The following IGSF23 variants were observed in gnomAD, a reference collection of about 807,000 sequenced individuals.
IGSF23 encodes immunoglobulin superfamily member 23.
In IGSF23, 14 loss-of-function variants were observed where a neutral mutation model predicts 17.8. That is an observed-to-expected ratio of 0.79 (90% confidence interval 0.52 to 1.23). The LOEUF is 1.23. Among genes scored for constraint, IGSF23 ranks in the 50% most tolerant of loss-of-function variants. The pLI, the probability that IGSF23 is intolerant of heterozygous loss-of-function variation, is 0.00. For synonymous variants in IGSF23, 85 were observed against 92.5 expected, an observed-to-expected ratio of 0.92 and a Z score of 0.46; for missense variants, 214 against 241.7, an observed-to-expected ratio of 0.89 and a Z score of 0.76.
At chr19:44,631,816 G>A (rs1474680246) in intron 3 of IGSF23, among the ~76,000 whole-genome samples, 2 of 152,194 alleles carry the variant, frequency 1.3e-5, no homozygotes, top group Non-Finnish European at 2.9e-5. Flanking sequence ...GTTTAAAAAC[G>A]CCTTTAAGTG....
rs138387848 is a variant in IGSF23, at chr19:44,635,348, TTCTCTCTCTC to T, written c.546-35_546-26del. On this transcript the variant is annotated intron_variant, in intron 3 of 4. Transcript: ENST00000402988. Reference sequence around the variant, plus strand: ...ATAATAATTCAGTCGATGATTCTTATTCTCTCTCTCTCTCTCTCTCTCTCTCTGTCTCTCT... The same window carrying T: ...ATAATAATTCAGTCGATGATTCTTATTCTCTCTCTCTCTCTCTGTCTCTCT... The T allele has an allele frequency of 4.8e-5, 47 of 977,674 alleles. No homozygotes were observed. The Middle Eastern group carries it at 7.0e-4, about 15-fold the overall frequency. 60.6% of individuals were successfully genotyped at this position (977,674 alleles called of 1,614,324 possible). A position where few individuals can be genotyped will look rare whatever the true frequency, so the allele number is the denominator to read the frequency against.
At chr19:44,621,673 G>C (rs188614601) in intron 1 of IGSF23, among the ~76,000 whole-genome samples, 17 of 152,212 alleles carry the variant, frequency 1.1e-4, no homozygotes, top group Non-Finnish European at 2.2e-4. Flanking sequence ...ATTGTTGTGA[G>C]GATTAAATGA....
intron 3 of IGSF23, among the ~76,000 whole-genome samples, chr19:44,633,410 A>C (rs1972813006): frequency 6.6e-6 from 1 of 152,210 alleles, no homozygotes; most frequent in Admixed American, 6.5e-5. Context: ...TGCTAGGGAC[A>C]TGCCCCATTT....
chr19:44,627,127 G>A (rs1440939682), intron 2 of IGSF23, among the ~76,000 whole-genome samples: 4 of 152,134 alleles, frequency 2.6e-5, no homozygotes, highest in Non-Finnish European at 5.9e-5. Flanking sequence ...AGGCTAAGGT[G>A]AGAAACTGAC....
Position 44,636,739 on chromosome 19 carries a change from C to T in IGSF23, c.*352C>T, listed in dbSNP as rs930984460. Reference sequence around the variant, plus strand: ...CTTTTACACATGCTGCTTTTTTTTTCTCTTTTTCAAAAAGAACCAAAAAAT... The same window carrying T: ...CTTTTACACATGCTGCTTTTTTTTTTTCTTTTTCAAAAAGAACCAAAAAAT... On this transcript the variant is annotated 3_prime_UTR_variant, in exon 5 of 5. Transcript: ENST00000402988. 2.8e-4 allele frequency: 42 copies of T among 151,572 alleles called. No individual in the cohort carries two copies. Among genetic ancestry groups the T allele is most frequent in the Admixed American group, 2.0e-3 (30 of 15,266 alleles). The allele number at this position is 151,572 out of a possible 1,614,324, so 9.4% of individuals were successfully genotyped here. A position where few individuals can be genotyped will look rare whatever the true frequency, so the allele number is the denominator to read the frequency against.
chr19:44,615,085 C>T (rs1972340248), intron 1 of IGSF23, among the ~76,000 whole-genome samples: 1 of 150,512 alleles, frequency 6.6e-6, no homozygotes, highest in South Asian at 2.1e-4. Flanking sequence ...GTCAGGAGAT[C>T]GAGACCATCC....
chr19:44,627,483 G>C lies in IGSF23; in HGVS notation c.455G>C (p.Gly152Ala). The stretch of plus-strand genomic sequence containing the variant: ...CCAGACCCCACTCTGTCCCTGTCAG[G>C]AGGCTCTGCCATCGGGCTCCTTGCG... ...MEPDPTLSLSGGSAIGLLAAG... is the reference protein window; with the variant it reads ...MEPDPTLSLSAGSAIGLLAAG... The change falls in exon 3 of 5, where the codon GGA (glycine) becomes GCA (alanine). Residue 152 changes from glycine (G) to alanine (A), a missense_variant. Gly to Ala is a moderately conservative substitution (Grantham distance 60). Coordinates refer to ENST00000402988, the MANE Select transcript of IGSF23 (RefSeq NM_001205280.2). 1 of 1,550,530 alleles carries C rather than the reference G, an allele frequency of 6.4e-7. No homozygotes were observed. The highest frequency in any genetic ancestry group is 1.4e-5 in the African/African-American group (1 of 73,156).
At chr19:44,634,222 C>T (rs1165365846) in intron 3 of IGSF23, among the ~76,000 whole-genome samples, 4 of 152,294 alleles carry the variant, frequency 2.6e-5, no homozygotes, top group South Asian at 4.1e-4. Flanking sequence ...AGGACAGGCC[C>T]CTCATGGCAT....
chr19:44,634,232 T>C (rs1972834519), intron 3 of IGSF23, among the ~76,000 whole-genome samples: 1 of 152,230 alleles, frequency 6.6e-6, no homozygotes, highest in Non-Finnish European at 1.5e-5. Flanking sequence ...CCTCATGGCA[T>C]TTCCTGAAAT....
rs546984743 is a variant in IGSF23 at position 44,634,123 on chromosome 19, C to T, written c.546-1278C>T. 7.2e-5 allele frequency among the ~76,000 whole-genome samples: 11 copies of T among 152,288 alleles called. No individual in the cohort carries two copies. The East Asian group carries it at 7.7e-4, about 11-fold the overall frequency. On this transcript the variant is annotated intron_variant, in intron 3 of 4. Coordinates refer to ENST00000402988, the MANE Select transcript of IGSF23 (RefSeq NM_001205280.2). ...GCTTTTGTGCAGCATAAATCTACTG[C>T]GGCACTACCGGCTGTGGCGGGGGAC...
chr19:44,620,603 G>T (rs1599732708), intron 1 of IGSF23, among the ~76,000 whole-genome samples: 1 of 152,184 alleles, frequency 6.6e-6, no homozygotes, highest in African/African-American at 2.4e-5. Flanking sequence ...CTGACCTCAG[G>T]TTATCCACCT....
rs114078650 is a variant in IGSF23 at position 44,615,799 on chromosome 19, G to A, written c.125+2029G>A. On this transcript the variant is annotated intron_variant, in intron 1 of 4. Transcript: ENST00000402988. Reference sequence around the variant, plus strand: ...TGTTGTCTGAGGCCTCTCTCAGGGCGGAGGGCAGAGGGGAGGAAGGAAAGA... The same window carrying A: ...TGTTGTCTGAGGCCTCTCTCAGGGCAGAGGGCAGAGGGGAGGAAGGAAAGA... Among the ~76,000 whole-genome samples the A allele has an allele frequency of 9.0e-3, 1,367 of 152,046 alleles. 21 individuals are homozygous for A. The highest frequency in any genetic ancestry group is 0.031 in the African/African-American group (1,281 of 41,444).
chr19:44,619,919 A>C (rs1972474288), intron 1 of IGSF23, among the ~76,000 whole-genome samples: 1 of 152,206 alleles, frequency 6.6e-6, no homozygotes, highest in Admixed American at 6.5e-5. Context: ...AATTCAGTTC[A>C]TAACAGAGAT....
In IGSF23 at chr19:44,635,411, C is replaced by A; in HGVS notation, c.556C>A (p.Gln186Lys). The A allele has an allele frequency of 6.5e-7, 1 of 1,547,584 alleles. No individual in the cohort carries two copies. The highest frequency in any genetic ancestry group is 8.7e-7 in the Non-Finnish European group (1 of 1,145,330). The change falls in exon 4 of 5, where the codon CAG (glutamine) becomes AAG (lysine). Residue 186 changes from glutamine to lysine, a missense_variant. Transcript: ENST00000402988. ...CTCTCTCCACTGCAGGACTGACAGG[C>A]AGAGAATAGGAATATGCAGCTGAAA... Reference protein sequence around the residue: ...IIIQSLRTDRQRIGICS With the variant: ...IIIQSLRTDRKRIGICS
intron 1 of IGSF23, among the ~76,000 whole-genome samples, chr19:44,619,461 T>A (rs1414839517): frequency 6.6e-6 from 1 of 152,208 alleles, no homozygotes; most frequent in African/African-American, 2.4e-5. Flanking sequence ...CAAACTTTCA[T>A]ATCTGAATTA....
chr19:44,634,627 G>A (rs1294017458), intron 3 of IGSF23, among the ~76,000 whole-genome samples: 1 of 152,160 alleles, frequency 6.6e-6, no homozygotes, highest in Non-Finnish European at 1.5e-5. Flanking sequence ...CTCCAGAAAA[G>A]AAAGAACTGG....
intron 1 of IGSF23, among the ~76,000 whole-genome samples, chr19:44,615,247 C>T (rs1318870789): frequency 6.6e-6 from 1 of 151,968 alleles, no homozygotes; most frequent in Non-Finnish European, 1.5e-5. Context: ...CAAGATCGTG[C>T]CACTGCACTC....
At chr19:44,632,160 T>C in intron 3 of IGSF23, 1 of 346,978 alleles carries the variant, frequency 2.9e-6, no homozygotes. Context: ...TTGAGGGCAG[T>C]ATGCCTCAAT....
chr19:44,622,558 T>C (rs1394654542), intron 1 of IGSF23, among the ~76,000 whole-genome samples: 2 of 152,110 alleles, frequency 1.3e-5, no homozygotes, highest in Non-Finnish European at 2.9e-5. Context: ...CTGGGCTGTT[T>C]CCACTCCTCC....
Sources: allele counts gnomAD v4.1 joint callset (sites outside exome capture counted in the v4.1 genomes callset), GRCh38; gene constraint gnomAD v4.1.1; transcripts MANE v1.5; gene names NCBI Gene and HGNC (gene_info 2026-07-23, HGNC 2026-07-21).